OR1J2: variants seen among roughly 807,000 people sequenced by gnomAD.
OR1J2 encodes the protein olfactory receptor family 1 subfamily J member 2.
For missense variants in OR1J2, 304 were observed against 246.1 expected (o/e 1.24, Z -1.57); for synonymous variants, 142 against 99.7 (o/e 1.42, Z -2.52).
Position 122,510,900 on chromosome 9 carries a change from C to T in OR1J2, c.99C>T (p.Gly33=). The T allele has an allele frequency of 1.9e-6, 3 of 1,611,960 alleles. No homozygotes were observed. The highest frequency in any genetic ancestry group is 2.2e-5 in the South Asian group (2 of 91,034). ...QQAVFFTLFL[G]MYLTTVLGNL... ...CTGTGTTCTTCACCCTGTTCCTGGG[C>T]ATGTACCTGACCACGGTGCTGGGGA... The change falls in exon 1 of 1, where the codon GGC becomes GGT. Residue 33 remains glycine (G), a synonymous_variant. Coordinates refer to ENST00000335302, the MANE Select transcript of OR1J2 (RefSeq NM_054107.1).
chr9:122,477,945 G>T, the OR1J2 span: 159 of 1,543,794 alleles, frequency 1.0e-4, no homozygotes, highest in African/African-American at 1.7e-3. Context: ...CAGCTGGAGG[G>T]CACTAGGGAA....
the OR1J2 span, among the ~76,000 whole-genome samples, chr9:122,562,118 C>T: frequency 1.3e-3 from 195 of 152,352 alleles, no homozygotes; most frequent in Non-Finnish European, 2.0e-3. Flanking sequence ...ACTCTGGCTG[C>T]AGTCTGCCAC....
the OR1J2 span, among the ~76,000 whole-genome samples, chr9:122,455,823 A>G: frequency 6.6e-6 from 1 of 152,076 alleles, no homozygotes; most frequent in South Asian, 2.1e-4. Flanking sequence ...AAAATTTTAT[A>G]CTTTTAGCTC....
At chr9:122,551,051 TGAGTA>T in the OR1J2 span, among the ~76,000 whole-genome samples, 45,679 of 151,948 alleles carry the variant, frequency 0.3, 7,367 homozygotes, top group East Asian at 0.54. Flanking sequence ...ATAAATGAAT[TGAGTA>T]AAGTTTCATG....
chr9:122,489,701 C>T, the OR1J2 span, among the ~76,000 whole-genome samples: 19 of 152,176 alleles, frequency 1.2e-4, no homozygotes, highest in African/African-American at 4.6e-4. Flanking sequence ...ACAACCTGTT[C>T]CCGGACTTGG....
At chr9:122,467,507 A>T in the OR1J2 span, among the ~76,000 whole-genome samples, 1 of 152,202 alleles carries the variant, frequency 6.6e-6, no homozygotes, top group Non-Finnish European at 1.5e-5. Context: ...AACAAAAATA[A>T]TGTCACTCAT....
chr9:122,532,887 G>A, the OR1J2 span, among the ~76,000 whole-genome samples: 3 of 152,184 alleles, frequency 2.0e-5, no homozygotes, highest in Non-Finnish European at 1.5e-5. Context: ...TGGGAGATTA[G>A]TCGGACACGA....
At chr9:122,537,557 A>C in the OR1J2 span, among the ~76,000 whole-genome samples, 1 of 128,198 alleles carries the variant, frequency 7.8e-6, no homozygotes, top group Non-Finnish European at 1.7e-5. Context: ...GAATTTTAGA[A>C]GTTTTTTTCT....
At chr9:122,548,803 TTTGTTGTTGTTGTTG>T in the OR1J2 span, among the ~76,000 whole-genome samples, 1 of 140,190 alleles carries the variant, frequency 7.1e-6, no homozygotes, top group Non-Finnish European at 1.5e-5. Flanking sequence ...TCCTGTGTGT[TTTGTTGTTGTTGTTG>T]TTGTTGTTGT....
the OR1J2 span, among the ~76,000 whole-genome samples, chr9:122,547,702 C>T: frequency 3.3e-5 from 5 of 151,434 alleles, no homozygotes; most frequent in African/African-American, 1.2e-4. Flanking sequence ...CGTTGATGAA[C>T]ACTTAGTTTG....
At chr9:122,571,543 G>A in the OR1J2 span, among the ~76,000 whole-genome samples, 2 of 78,868 alleles carry the variant, frequency 2.5e-5, no homozygotes, top group South Asian at 5.6e-4. Flanking sequence ...GAGCCAGACT[G>A]TCTCAAAAAA....
chr9:122,538,568 A>T, the OR1J2 span, among the ~76,000 whole-genome samples: 1 of 152,210 alleles, frequency 6.6e-6, no homozygotes, highest in Non-Finnish European at 1.5e-5. Context: ...AGATCATGTC[A>T]TCAGTGAACA....
chr9:122,468,684 G>A, the OR1J2 span, among the ~76,000 whole-genome samples: 7 of 152,096 alleles, frequency 4.6e-5, no homozygotes, highest in East Asian at 1.9e-4. Context: ...AGCAGTCCCC[G>A]CTGCATCCTT....
downstream of OR1J2, among the ~76,000 whole-genome samples, chr9:122,515,352 TTGTGTGTGTGTGTG>T (rs10651846): frequency 5.9e-5 from 8 of 135,812 alleles, no homozygotes; most frequent in South Asian, 5.2e-4. Flanking sequence ...CAGGAGCAGG[TTGTGTGTGTGTGTG>T]TGTGTGTGTG....
upstream of OR1J2, chr9:122,510,656 G>A: frequency 1.8e-6 from 1 of 545,666 alleles, no homozygotes; most frequent in Middle Eastern, 2.7e-4. Flanking sequence ...CCTCCCCACA[G>A]ACCCCCGATA....
the OR1J2 span, among the ~76,000 whole-genome samples, chr9:122,532,699 A>T: frequency 6.6e-6 from 1 of 152,032 alleles, no homozygotes; most frequent in Non-Finnish European, 1.5e-5. Flanking sequence ...AAGGGCCTCT[A>T]AAAGTATTAG....
chr9:122,470,452 G>A, the OR1J2 span, among the ~76,000 whole-genome samples: 2,595 of 152,348 alleles, frequency 0.017, 32 homozygotes, highest in East Asian at 0.071. Flanking sequence ...GGATGCCCAG[G>A]CAGAAGTTTG....
chr9:122,562,185 C>T, the OR1J2 span, among the ~76,000 whole-genome samples: 1 of 152,220 alleles, frequency 6.6e-6, no homozygotes, highest in Non-Finnish European at 1.5e-5. Flanking sequence ...CCTGGCTCGG[C>T]AGGGGAAAAT....
At chr9:122,520,891 C>A in the OR1J2 span, among the ~76,000 whole-genome samples, 23 of 152,146 alleles carry the variant, frequency 1.5e-4, no homozygotes, top group Non-Finnish European at 3.1e-4. Flanking sequence ...CTTCTATGGT[C>A]TCCGCCATCC....
Sources: gnomAD v4.1 joint callset for allele counts (sites outside exome capture counted in the v4.1 genomes callset) on GRCh38, gnomAD v4.1.1 for gene constraint, MANE v1.5 for transcripts, NCBI Gene and HGNC (gene_info 2026-07-23, HGNC 2026-07-21) for gene names.